The following MCM10 variants were observed in gnomAD, a reference collection of about 807,000 sequenced individuals.
The protein encoded by MCM10 is minichromosome maintenance 10 replication initiation factor.
In MCM10, 91 loss-of-function variants were observed where a neutral mutation model predicts 109.9. That is an observed-to-expected ratio of 0.83 (90% CI 0.70 to 0.99). The LOEUF is 0.99. Ranked by LOEUF, MCM10 falls within the 50% of genes least tolerant of loss-of-function variation. MCM10 has a pLI of 0.00. For synonymous variants in MCM10, 380 were observed against 387.2 expected, an observed-to-expected ratio of 0.98 and a Z score of 0.22; for missense variants, 1,077 against 1,061.2, an observed-to-expected ratio of 1.01 and a Z score of -0.21.
intron 14 of MCM10, 48 bp downstream of exon 14, chr10:13,195,317 G>T: frequency 6.9e-7 from 1 of 1,442,542 alleles, no homozygotes; most frequent in Non-Finnish European, 9.5e-7. Context: ...ATTCTGTAGA[G>T]CAGAGCTGGA....
chr10:13,194,336 C>T (rs1165405930), intron 13 of MCM10, among the ~76,000 whole-genome samples: 2 of 152,164 alleles, frequency 1.3e-5, no homozygotes, highest in African/African-American at 4.8e-5. Context: ...GCACTCTAGT[C>T]TGGGTGACAA....
chr10:13,170,069 G>C (rs1406345940), intron 2 of MCM10, among the ~76,000 whole-genome samples: 1 of 152,222 alleles, frequency 6.6e-6, no homozygotes, highest in Non-Finnish European at 1.5e-5. Context: ...GGAATGCAGA[G>C]TAATGCAGTG....
chr10:13,204,646 CAT>C (rs756200954), intron 18 of MCM10: 91 of 305,722 alleles, frequency 3.0e-4, no homozygotes, highest in Admixed American at 2.0e-3. Flanking sequence ...AGGTGGTAAA[CAT>C]GTGTGTGTTT....
intron 6 of MCM10, among the ~76,000 whole-genome samples, chr10:13,176,577 A>T (rs1426967031): frequency 6.6e-6 from 1 of 152,216 alleles, no homozygotes; most frequent in Non-Finnish European, 1.5e-5. Flanking sequence ...AGCAGAGGAG[A>T]ACAAGTGTTG....
In MCM10 at chr10:13,201,490, A is replaced by C. The variant is rs1192746525; in HGVS notation, c.2308A>C (p.Arg770=). ...AAAAGAACAAATGGAAGAAAAGATGAGAAACATCAGAGAAGTGAAGTGCCG... is the reference window on the plus strand; with the variant it reads ...AAAAGAACAAATGGAAGAAAAGATGCGAAACATCAGAGAAGTGAAGTGCCG... ...VKKEQMEEKM[R]NIREVKCRVV... is the part of the protein sequence containing the mutation. The change falls in exon 17 of 20, where the codon AGA becomes CGA. Residue 770 remains arginine (R), a synonymous_variant. Transcript: ENST00000378714. 1.9e-6 allele frequency: 3 copies of C among 1,612,698 alleles called. No individual in the cohort carries two copies. In the African/African-American group the frequency reaches 4.0e-5, roughly 22 times the overall value.
At chr10:13,205,002 GTATATATATATATATATATATATA>G (rs576376587) in intron 18 of MCM10, among the ~76,000 whole-genome samples, 2 of 6,684 alleles carry the variant, frequency 3.0e-4, no homozygotes, top group African/African-American at 8.8e-4. Flanking sequence ...ATGTATGTAT[GTATATATATATATATATATATATA>G]TATATATATA....
In MCM10 at chr10:13,172,762, C is replaced by G. The variant is rs745944918; in HGVS notation, c.589C>G (p.Pro197Ala). 8.1e-6 allele frequency: 13 copies of G among 1,613,898 alleles called. No individual in the cohort carries two copies. The African/African-American group carries it at 1.6e-4, about 20-fold the overall frequency. ...RVARTPKASP[P>A]DPKSSSSRMT... The stretch of plus-strand genomic sequence containing the variant: ...GGCTCGAACACCAAAGGCTTCACCT[C>G]CAGGTGTAGTACTTGCGGTCTCAGT... The change falls in exon 5 of 20, where the codon CCA (proline) becomes GCA (alanine). Residue 197 changes from proline (P) to alanine (A), a missense_variant. By Grantham distance (27) the Pro-to-Ala change is conservative (BLOSUM62 -1). Transcript: ENST00000378714. The surrounding 1 kb of genome is among the most constrained non-coding windows in gnomAD (Gnocchi z 5.2).
Position 13,195,226 on chromosome 10 carries a change from C to A in MCM10, c.1931C>A (p.Pro644Gln), listed in dbSNP as rs780847066. The A allele has an allele frequency of 6.2e-7, 1 of 1,610,892 alleles. No individual in the cohort carries two copies. Among genetic ancestry groups the A allele is most frequent in the Non-Finnish European group, 8.5e-7 (1 of 1,178,582 alleles). The change falls in exon 14 of 20, where the codon CCA becomes CAA. Residue 644 changes from proline (P) to glutamine (Q), a missense_variant. Transcript: ENST00000378714. The stretch of plus-strand genomic sequence containing the variant: ...GATGTTCTCTTTTATGATGAGTCAC[C>A]ACCACCAAGACCAAAACTGAGTGCT... ...GDDVLFYDES[P>Q]PPRPKLSALA...
At chr10:13,191,898 TAATAA>T (rs1291074337) in intron 11 of MCM10, among the ~76,000 whole-genome samples, 1 of 147,610 alleles carries the variant, frequency 6.8e-6, no homozygotes, top group Non-Finnish European at 1.5e-5. Flanking sequence ...AAAAAATTTT[TAATAA>T]AATAAAAACA....
At position 13,201,513 on chromosome 10, in the gene MCM10, C is replaced by T. The variant is rs367690329; in HGVS notation, c.2331C>T (p.Cys777=). 2.7e-5 allele frequency: 43 copies of T among 1,610,474 alleles called. 1 individual carries two copies. Among genetic ancestry groups the T allele is most frequent in the Middle Eastern group, 1.7e-4 (1 of 6,050 alleles). ...TGAGAAACATCAGAGAAGTGAAGTG[C>T]CGTGTCGTGACATGCAAGACGGTGG... ...EKMRNIREVK[C]RVVTCKTCAY... Residue 777 remains cysteine (C), a synonymous_variant, in exon 17 of 20, where the codon TGC becomes TGT. Transcript: ENST00000378714.
At chr10:13,209,027 CCG>C in intron 18 of MCM10, 62 bp from the exon 19 acceptor site, 2 of 1,162,830 alleles carry the variant, frequency 1.7e-6, no homozygotes, top group Non-Finnish European at 2.6e-6. Context: ...GCAGTGAGCA[CCG>C]TCGTCTTTAC....
chr10:13,188,470 C>T (rs1194622897), intron 9 of MCM10, among the ~76,000 whole-genome samples: 3 of 152,162 alleles, frequency 2.0e-5, no homozygotes, highest in African/African-American at 7.2e-5. Flanking sequence ...CCACTCCCTC[C>T]GTCTCCTGGT....
At chr10:13,205,248 G>A (rs552234330) in intron 18 of MCM10, among the ~76,000 whole-genome samples, 1 of 151,914 alleles carries the variant, frequency 6.6e-6, no homozygotes, top group Admixed American at 6.6e-5. Flanking sequence ...GCATACACAT[G>A]TTAGCTTCCA....
chr10:13,205,354 C>CATGA (rs1241131621), intron 18 of MCM10, among the ~76,000 whole-genome samples: 2 of 152,104 alleles, frequency 1.3e-5, no homozygotes, highest in Non-Finnish European at 2.9e-5. Flanking sequence ...CTGTAAAAGA[C>CATGA]ATGACTTCAT....
chr10:13,177,144 AT>A (rs1229267666), intron 6 of MCM10, among the ~76,000 whole-genome samples: 2 of 152,194 alleles, frequency 1.3e-5, no homozygotes, highest in Non-Finnish European at 2.9e-5. Context: ...GCTGGTGGGC[AT>A]TTATTGCACA....
chr10:13,179,202 CA>C (rs1834178277), intron 6 of MCM10, among the ~76,000 whole-genome samples: 2 of 152,206 alleles, frequency 1.3e-5, no homozygotes, highest in South Asian at 4.2e-4. Context: ...ATTTCTTTCT[CA>C]TCTGATTGCT....
chr10:13,171,203 GAA>G lies in MCM10; in HGVS notation c.292_293del (p.Asn98Ter). On this transcript the variant is annotated frameshift_variant, in exon 3 of 20. Coordinates refer to ENST00000378714, the MANE Select transcript of MCM10 (RefSeq NM_018518.5). LOFTEE classifies it high-confidence loss of function. ...EEEVPASQST[E>X]NRVLPAPAPR... is the part of the protein sequence containing the mutation. Reference sequence around the variant, plus strand: ...AGAAGTTCCCGCATCACAGTCAACTGAAAATAGGGTCCTCCCTGCTCCTGCCC... The same window carrying G: ...AGAAGTTCCCGCATCACAGTCAACTGAATAGGGTCCTCCCTGCTCCTGCCC... The G allele has an allele frequency of 1.2e-6, 2 of 1,614,182 alleles. No individual in the cohort carries two copies. Among genetic ancestry groups the G allele is most frequent in the Non-Finnish European group, 1.7e-6 (2 of 1,180,028 alleles).
In MCM10 at chr10:13,183,099, AG is replaced by A. The variant is rs1483338005; in HGVS notation, c.1098+1del. 1.2e-6 allele frequency: 2 copies of A among 1,604,964 alleles called. No homozygotes were observed. Among genetic ancestry groups the A allele is most frequent in the Admixed American group, 1.8e-5 (1 of 56,902 alleles). On this transcript the variant is annotated frameshift_variant and splice_region_variant, in exon 8 of 20. Coordinates refer to ENST00000378714, the MANE Select transcript of MCM10 (RefSeq NM_018518.5). LOFTEE classifies it high-confidence loss of function. ...NPMKPKDGSEEVCLSIDHPQK... is the reference protein window; with the variant it reads ...NPMKPKDGSEXVCLSIDHPQK... Reference sequence around the variant, plus strand: ...ATGAAGCCCAAGGATGGTTCAGAGGAGGTAAGAGCCTGTTTCTGGGATTTGA... The same window carrying A: ...ATGAAGCCCAAGGATGGTTCAGAGGAGTAAGAGCCTGTTTCTGGGATTTGA...
intron 6 of MCM10, 98 bp from the exon 7 acceptor site, chr10:13,180,344 A>T: frequency 1.0e-6 from 1 of 959,166 alleles, no homozygotes; most frequent in Non-Finnish European, 1.5e-6. Flanking sequence ...CAGGTACTGT[A>T]GAGGTTTCTG....
Sources: gnomAD v4.1 joint callset for allele counts (sites outside exome capture counted in the v4.1 genomes callset) on GRCh38, gnomAD v4.1.1 for gene constraint, Gnocchi (gnomAD v3.1) non-coding constraint, MANE v1.5 for transcripts, NCBI Gene and HGNC (gene_info 2026-07-23, HGNC 2026-07-21) for gene names.